Variants in KIAA0513 observed in about 807,000 individuals in gnomAD.
KIAA0513 encodes KIAA0513, also known as uncharacterized protein KIAA0513.
KIAA0513 carries 39 observed loss-of-function variants against 56.5 expected under a neutral mutation model. The ratio of observed to expected loss-of-function variants is 0.69; its 90% CI spans 0.53 to 0.90. The LOEUF is 0.90. Among genes scored for constraint, KIAA0513 ranks in the 40% least tolerant of loss-of-function variants. The pLI is 0.00. For synonymous variants in KIAA0513, 268 were observed against 215.6 expected, an observed-to-expected ratio of 1.24 and a Z score of -2.13; for missense variants, 591 against 535.2, an observed-to-expected ratio of 1.10 and a Z score of -1.03.
chr16:85,050,106 C>T lies in KIAA0513; in HGVS notation c.-172-16794C>T, dbSNP rs115955984. Among the ~76,000 whole-genome samples the T allele has an allele frequency of 7.3e-3, 1,104 of 151,892 alleles. 13 individuals are homozygous for T. Among genetic ancestry groups the T allele is most frequent in the Middle Eastern group, 0.024 (7 of 294 alleles). On this transcript the variant is annotated intron_variant, in intron 1 of 12. Coordinates refer to ENST00000683363, the MANE Select transcript of KIAA0513 (RefSeq NM_001388359.1). ...TGGAACCAACTCAGTCAATGGTGAT[C>T]GCTGATGGTAAACAACCCCTCACCC...
chr16:85,030,102 C>G (rs1007611331), intron 1 of KIAA0513, among the ~76,000 whole-genome samples: 1 of 152,186 alleles, frequency 6.6e-6, no homozygotes, highest in East Asian at 1.9e-4. Context: ...ACCACCTCCC[C>G]GGCTTACCGA....
intron 1 of KIAA0513, among the ~76,000 whole-genome samples, chr16:85,048,671 G>T (rs932564792): frequency 1.3e-5 from 2 of 152,312 alleles, no homozygotes; most frequent in South Asian, 2.1e-4. Flanking sequence ...CTGAGCCCTG[G>T]AGTTCAAGGC....
In KIAA0513 at chr16:85,058,190, A is replaced by G. The variant is rs931508043; in HGVS notation, c.-172-8710A>G. On this transcript the variant is annotated intron_variant, in intron 1 of 12. Coordinates refer to ENST00000683363, the MANE Select transcript of KIAA0513 (RefSeq NM_001388359.1). The stretch of plus-strand genomic sequence containing the variant: ...TGGTCTGACACTTGTCAAAAGCCCT[A>G]CTGAGGCATCTGGCACTGGAGGAGA... Among the ~76,000 whole-genome samples the G allele has an allele frequency of 2.0e-5, 3 of 152,272 alleles. No individual in the cohort carries two copies. In the South Asian group the frequency reaches 6.2e-4, roughly 32 times the overall value.
At chr16:85,058,623 G>C (rs2073362110) in intron 1 of KIAA0513, among the ~76,000 whole-genome samples, 1 of 149,126 alleles carries the variant, frequency 6.7e-6, no homozygotes, top group African/African-American at 2.5e-5. Flanking sequence ...CTGCGCTCCA[G>C]CCTGGGCAAC....
chr16:85,045,275 A>G (rs1663700852), intron 1 of KIAA0513, among the ~76,000 whole-genome samples: 1 of 152,188 alleles, frequency 6.6e-6, no homozygotes, highest in South Asian at 2.1e-4. Context: ...GTTTCAGCTG[A>G]TCAGGGCTGA....
intron 1 of KIAA0513, among the ~76,000 whole-genome samples, chr16:85,054,421 C>CTTTTTTTTTTTTTTTTTTTT (rs398042273): frequency 1.3e-3 from 154 of 119,530 alleles, no homozygotes; most frequent in Non-Finnish European, 1.9e-3. Flanking sequence ...TTTTTCTTTT[C>CTTTTTTTTTTTTTTTTTTTT]TTTTTTTTTT....
chr16:85,082,508 TA>T lies in KIAA0513; in HGVS notation c.981-55del. 2.5e-6 allele frequency: 4 copies of T among 1,581,568 alleles called. No individual in the cohort carries two copies. The East Asian group carries it at 9.0e-5, about 35-fold the overall frequency. On this transcript the variant is annotated intron_variant, in intron 9 of 12. Transcript: ENST00000683363. ...GCTTGTTCTCTTTTTACCATCCACA[TA>T]TCTTGCATGACTTTGACATGTTCCT...
intron 1 of KIAA0513, among the ~76,000 whole-genome samples, chr16:85,062,277 A>G (rs1443861145): frequency 6.6e-6 from 1 of 152,126 alleles, no homozygotes; most frequent in Non-Finnish European, 1.5e-5. Flanking sequence ...AGCTCCTTGC[A>G]CAGTAACCGA....
intron 3 of KIAA0513, among the ~76,000 whole-genome samples, chr16:85,072,488 T>C (rs1046108530): frequency 1.2e-4 from 18 of 152,190 alleles, no homozygotes; most frequent in Non-Finnish European, 2.5e-4. Context: ...TTTTTTTTTT[T>C]TCCTGAGTGG....
At chr16:85,078,547 C>T in intron 7 of KIAA0513, 92 bp downstream of exon 7, 2 of 1,244,158 alleles carry the variant, frequency 1.6e-6, no homozygotes, top group South Asian at 1.2e-5. Flanking sequence ...GCTTTCCTGC[C>T]TCCACGGAGC....
chr16:85,075,711 T>G, intron 4 of KIAA0513, 133 bp from the exon 5 acceptor site: 7 of 712,512 alleles, frequency 9.8e-6, no homozygotes, highest in Non-Finnish European at 1.8e-5. Flanking sequence ...CTTGGGGAGA[T>G]TGTTTTGTGC....
At chr16:85,073,405 T>C (rs899217675) in intron 4 of KIAA0513, among the ~76,000 whole-genome samples, 14 of 152,212 alleles carry the variant, frequency 9.2e-5, no homozygotes, top group Admixed American at 5.9e-4. Context: ...GGGAGGACTG[T>C]AGCTTTCCCT....
intron 12 of KIAA0513, 50 bp downstream of exon 12, chr16:85,087,216 G>T: frequency 6.8e-7 from 1 of 1,467,494 alleles, no homozygotes; most frequent in Non-Finnish European, 9.6e-7. Flanking sequence ...CTGGGGTCAG[G>T]AGCCAGTGCT....
chr16:85,036,665 A>T (rs1000650153), intron 1 of KIAA0513, among the ~76,000 whole-genome samples: 4 of 152,178 alleles, frequency 2.6e-5, no homozygotes, highest in African/African-American at 9.7e-5. Flanking sequence ...GTTACGCCAC[A>T]GACCTTACTT....
intron 1 of KIAA0513, among the ~76,000 whole-genome samples, chr16:85,037,683 T>A (rs770695241): frequency 6.6e-6 from 1 of 152,200 alleles, no homozygotes; most frequent in African/African-American, 2.4e-5. Context: ...ACATCACTCC[T>A]AGAATCCCAA....
rs1391677012 is a variant in KIAA0513 at position 85,038,956 on chromosome 16, C to T, written c.-173+11098C>T. Among the ~76,000 whole-genome samples, 3 of 152,172 alleles carry T rather than the reference C, an allele frequency of 2.0e-5. No homozygotes were observed. In the East Asian group the frequency reaches 5.8e-4, roughly 29 times the overall value. On this transcript the variant is annotated intron_variant, in intron 1 of 12. Coordinates refer to ENST00000683363, the MANE Select transcript of KIAA0513 (RefSeq NM_001388359.1). The stretch of plus-strand genomic sequence containing the variant: ...ACCACAGTGGGTAGCACAGCTCTGA[C>T]CTGTTAGTGACGTATTTTATTCATA...
intron 1 of KIAA0513, among the ~76,000 whole-genome samples, chr16:85,044,260 C>G (rs904210870): frequency 2.6e-5 from 4 of 152,158 alleles, no homozygotes; most frequent in African/African-American, 9.7e-5. Flanking sequence ...GAGAGGTGAA[C>G]CAGTGGTGCC....
chr16:85,057,888 C>G (rs1178375060), intron 1 of KIAA0513, among the ~76,000 whole-genome samples: 4 of 151,878 alleles, frequency 2.6e-5, no homozygotes, highest in African/African-American at 4.8e-5. Context: ...CTGCACACGG[C>G]TTGGTGTGGG....
At position 85,082,603 on chromosome 16, in the gene KIAA0513, T is replaced by C. The variant is rs1373661725; in HGVS notation, c.1010+10T>C. ...AGGAGGAGGAGAAGAGGTGTGTGTG[T>C]CCACGTGACTTTGTTCCATTTTACA... On this transcript the variant is annotated intron_variant, in intron 10 of 12. Transcript: ENST00000683363. 1.2e-6 allele frequency: 2 copies of C among 1,614,030 alleles called. No individual in the cohort carries two copies. Among genetic ancestry groups the C allele is most frequent in the South Asian group, 1.1e-5 (1 of 91,086 alleles).
Sources: allele counts gnomAD v4.1 joint callset (sites outside exome capture counted in the v4.1 genomes callset), GRCh38; gene constraint gnomAD v4.1.1; transcripts MANE v1.5; gene names NCBI Gene and HGNC (gene_info 2026-07-23, HGNC 2026-07-21).